PHLPP1: variants seen among roughly 807,000 people sequenced by gnomAD.
PHLPP1 encodes PH domain leucine-rich repeat-containing protein phosphatase 1.
A neutral mutation model predicts 117.2 loss-of-function variants in PHLPP1; 42 were observed. The observed-to-expected ratio is 0.36, with a 90% CI of 0.28 to 0.46. The LOEUF is 0.46. Among genes scored for constraint, PHLPP1 ranks in the 20% least tolerant of loss-of-function variants. The pLI is 1.00. For missense variants in PHLPP1, 2,084 were observed against 2,241.9 expected (o/e 0.93, Z 1.42); for synonymous variants, 1,042 against 970.7 (o/e 1.07, Z -1.37).
intron 7 of PHLPP1, among the ~76,000 whole-genome samples, chr18:62,903,710 C>T (rs1420293315): frequency 1.3e-5 from 2 of 150,220 alleles, no homozygotes; most frequent in African/African-American, 2.5e-5. Context: ...GTGGAGGCTG[C>T]GGTCGTCTGA....
At chr18:62,749,972 C>T (rs1417878994) in intron 1 of PHLPP1, among the ~76,000 whole-genome samples, 6 of 152,092 alleles carry the variant, frequency 3.9e-5, no homozygotes, top group African/African-American at 7.2e-5. Context: ...GCCAAGATGG[C>T]GCCACTGCAC....
At chr18:62,803,771 C>A (rs181979532) in intron 1 of PHLPP1, among the ~76,000 whole-genome samples, 4 of 152,220 alleles carry the variant, frequency 2.6e-5, no homozygotes, top group African/African-American at 9.6e-5. Context: ...ATTCTGCAAA[C>A]AATTGTAAAG....
At chr18:62,847,483 G>C (rs1915210997) in intron 3 of PHLPP1, among the ~76,000 whole-genome samples, 1 of 152,084 alleles carries the variant, frequency 6.6e-6, no homozygotes, top group Admixed American at 6.6e-5. Flanking sequence ...TAAAATACTT[G>C]CGGGTTTGAT....
At chr18:62,844,068 C>T (rs1188189722) in intron 3 of PHLPP1, among the ~76,000 whole-genome samples, 6 of 152,106 alleles carry the variant, frequency 3.9e-5, no homozygotes, top group Non-Finnish European at 8.8e-5. Context: ...GCTTCTTGGC[C>T]GGGCGTGGTG....
At position 62,891,597 on chromosome 18, in the gene PHLPP1, G is replaced by T. The variant is rs571904018; in HGVS notation, c.2067-3414G>T. On this transcript the variant is annotated intron_variant, in intron 4 of 16. Transcript: ENST00000262719. ...TAGACTCCGTCTCAAAAAAAGAAAAGAAATATTTTAGGGTAGGCACGATGA... is the reference window on the plus strand; with the variant it reads ...TAGACTCCGTCTCAAAAAAAGAAAATAAATATTTTAGGGTAGGCACGATGA... Among the ~76,000 whole-genome samples, 122 of 151,250 alleles carry T rather than the reference G, an allele frequency of 8.1e-4. 1 individual carries two copies. Among genetic ancestry groups the T allele is most frequent in the African/African-American group, 2.4e-3 (97 of 41,222 alleles).
At chr18:62,930,454 C>A (rs1193026191) in intron 10 of PHLPP1, among the ~76,000 whole-genome samples, 1 of 109,824 alleles carries the variant, frequency 9.1e-6, no homozygotes, top group Non-Finnish European at 2.0e-5. Context: ...AGACTTTAAA[C>A]CAACAACAGT....
At chr18:62,942,020 T>A (rs1210363858) in intron 11 of PHLPP1, 102 bp downstream of exon 11, 21 of 906,048 alleles carry the variant, frequency 2.3e-5, no homozygotes, top group Non-Finnish European at 3.6e-5. Flanking sequence ...ATGTCAAGTT[T>A]GTTTGCTTGT....
chr18:62,957,300 A>G (rs1170343773), intron 12 of PHLPP1, among the ~76,000 whole-genome samples: 2 of 152,184 alleles, frequency 1.3e-5, no homozygotes, highest in African/African-American at 4.8e-5. Flanking sequence ...TTTTGTGAGA[A>G]AGGAGCTATA....
chr18:62,762,338 T>C (rs1199007203), intron 1 of PHLPP1, among the ~76,000 whole-genome samples: 2 of 148,642 alleles, frequency 1.3e-5, no homozygotes, highest in Non-Finnish European at 3.0e-5. Context: ...TCTGTAATTA[T>C]TAAAAAAAAA....
At chr18:62,856,426 T>C (rs1404358930) in intron 3 of PHLPP1, among the ~76,000 whole-genome samples, 1 of 152,150 alleles carries the variant, frequency 6.6e-6, no homozygotes, top group African/African-American at 2.4e-5. Flanking sequence ...ACATGCCAAG[T>C]GTGCTCCTTT....
At chr18:62,759,059 G>A (rs913378790) in intron 1 of PHLPP1, among the ~76,000 whole-genome samples, 3 of 152,172 alleles carry the variant, frequency 2.0e-5, no homozygotes, top group African/African-American at 2.4e-5. Context: ...GAAGTACATA[G>A]GATAGAGAGA....
Position 62,975,427 on chromosome 18 carries a change from T to C in PHLPP1, c.3786T>C (p.Gly1262=). ...RKLGTAGQKL[G]GAAVLCHIKH... ...TTGGAACTGCTGGGCAGAAGCTTGG[T>C]GGTGCCGCTGTCCTTTGTCATATCA... The change falls in exon 16 of 17, where the codon GGT becomes GGC. Residue 1262 remains glycine, a synonymous_variant. Transcript: ENST00000262719. The C allele has an allele frequency of 6.2e-7, 1 of 1,613,680 alleles. No homozygotes were observed. Among genetic ancestry groups the C allele is most frequent in the Non-Finnish European group, 8.5e-7 (1 of 1,179,786 alleles).
intron 1 of PHLPP1, among the ~76,000 whole-genome samples, chr18:62,822,592 TGTTTTAAATG>T (rs1914500312): frequency 6.6e-6 from 1 of 151,948 alleles, no homozygotes; most frequent in South Asian, 2.1e-4. Flanking sequence ...CCGCCAATAG[TGTTTTAAATG>T]GCACAAATTT....
At chr18:62,954,358 T>C (rs1377001532) in intron 12 of PHLPP1, among the ~76,000 whole-genome samples, 2 of 152,240 alleles carry the variant, frequency 1.3e-5, no homozygotes, top group Non-Finnish European at 2.9e-5. Flanking sequence ...AAGAAAGTTG[T>C]AGTACACTAA....
rs1170168720 is a variant in PHLPP1, at chr18:62,980,129, TCA to T, written c.*701_*702del. The T allele has an allele frequency of 6.6e-6, 1 of 152,554 alleles. No homozygotes were observed. The highest frequency in any genetic ancestry group is 1.5e-5 in the Non-Finnish European group (1 of 68,082). The allele number at this position is 152,554 out of a possible 1,614,324, so 9.5% of individuals were successfully genotyped here. ...CTCCCCTCTGAGGAGCCTGCCTGCC[TCA>T]CAACTCACCCTCACTTCACTGAATG... is the stretch of plus-strand genomic sequence containing the variant. On this transcript the variant is annotated 3_prime_UTR_variant, in exon 17 of 17. Coordinates refer to ENST00000262719, the MANE Select transcript of PHLPP1 (RefSeq NM_194449.4).
intron 1 of PHLPP1, among the ~76,000 whole-genome samples, chr18:62,761,602 C>T (rs1791280991): frequency 6.7e-6 from 1 of 149,730 alleles, no homozygotes; most frequent in South Asian, 2.1e-4. Context: ...CACTGCGCTC[C>T]AGCCTGGGTG....
At chr18:62,803,180 C>T (rs896412843) in intron 1 of PHLPP1, among the ~76,000 whole-genome samples, 1 of 152,060 alleles carries the variant, frequency 6.6e-6, no homozygotes, top group Non-Finnish European at 1.5e-5. Context: ...AGTTTGTATG[C>T]TAGAAATTTT....
chr18:62,747,805 C>G (rs1490195779), intron 1 of PHLPP1, among the ~76,000 whole-genome samples: 1 of 152,174 alleles, frequency 6.6e-6, no homozygotes, highest in Non-Finnish European at 1.5e-5. Flanking sequence ...CAGGTGTGAG[C>G]TACTGTACCT....
At chr18:62,769,209 T>C (rs976076999) in intron 1 of PHLPP1, among the ~76,000 whole-genome samples, 19 of 152,214 alleles carry the variant, frequency 1.2e-4, no homozygotes, top group African/African-American at 4.6e-4. Context: ...ATCAGAAATA[T>C]ATTTGAATTT....
Sources: gnomAD v4.1 joint callset for allele counts (sites outside exome capture counted in the v4.1 genomes callset) on GRCh38, gnomAD v4.1.1 for gene constraint, MANE v1.5 for transcripts, NCBI Gene and HGNC (gene_info 2026-07-23, HGNC 2026-07-21) for gene names.